RABL2B: variants seen among roughly 807,000 people sequenced by gnomAD.
The protein encoded by RABL2B is rab-like protein 2B.
A neutral mutation model predicts 26.7 loss-of-function variants in RABL2B; 17 were observed. That is an observed-to-expected ratio of 0.64 (90% CI 0.44 to 0.95). RABL2B has a LOEUF of 0.95. RABL2B is among the 40% of genes least tolerant of loss of function. The pLI, the probability that RABL2B is intolerant of heterozygous loss-of-function variation, is 0.00. For missense variants in RABL2B, 170 were observed against 277.2 expected, an observed-to-expected ratio of 0.61 and a Z score of 2.75; for synonymous variants, 70 against 103.9, an observed-to-expected ratio of 0.67 and a Z score of 1.99.
chr22:50,779,594 C>T (rs572745476), intron 2 of RABL2B, among the ~76,000 whole-genome samples: 28 of 151,966 alleles, frequency 1.8e-4, no homozygotes, highest in East Asian at 1.7e-3. Context: ...CAATCATTAA[C>T]GGGAATGGAA....
At position 50,780,462 on chromosome 22, in the gene RABL2B, G is replaced by A. The variant is rs532086713; in HGVS notation, c.107+1726C>T. On this transcript the variant is annotated intron_variant, in intron 2 of 8. Coordinates refer to ENST00000691320, the MANE Select transcript of RABL2B (RefSeq NM_001130919.3). ...TGTCACTAGGCTAGAGTGCAGTGGCGCAATCATAGCTCACCACAGCCTGGA... is the reference window on the plus strand; with the variant it reads ...TGTCACTAGGCTAGAGTGCAGTGGCACAATCATAGCTCACCACAGCCTGGA... Among the ~76,000 whole-genome samples, 41 of 148,214 alleles carry A rather than the reference G, an allele frequency of 2.8e-4. 1 individual carries two copies. Among genetic ancestry groups the A allele is most frequent in the Middle Eastern group, 6.9e-3 (2 of 290 alleles).
chr22:50,779,463 A>T (rs1396632166), intron 2 of RABL2B, among the ~76,000 whole-genome samples: 3 of 151,972 alleles, frequency 2.0e-5, no homozygotes, highest in Non-Finnish European at 4.4e-5. Flanking sequence ...CCAGGGAGTC[A>T]CATGGTGTGA....
At chr22:50,769,587 C>T in intron 6 of RABL2B, 35 bp from the exon 7 acceptor site, 1 of 1,613,608 alleles carries the variant, frequency 6.2e-7, no homozygotes, top group Non-Finnish European at 8.5e-7. Context: ...GTCTGTCTGT[C>T]AAGGGAAGGG....
At chr22:50,772,546 C>A (rs2084341550) in intron 5 of RABL2B, 1 of 992,892 alleles carries the variant, frequency 1.0e-6, no homozygotes, top group Non-Finnish European at 1.2e-6. Flanking sequence ...GCACAGCTGA[C>A]CTCACTTCTA....
rs2083824546 is a variant in RABL2B at position 50,769,560 on chromosome 22, G to C, written c.410-8C>G. The C allele has an allele frequency of 1.9e-6, 3 of 1,610,370 alleles. No individual in the cohort carries two copies. Among genetic ancestry groups the C allele is most frequent in the Non-Finnish European group, 2.5e-6 (3 of 1,179,638 alleles). On this transcript the variant is annotated splice_region_variant and splice_polypyrimidine_tract_variant and intron_variant, in intron 6 of 8. Transcript: ENST00000691320. ...GGGTCACGTTTATGTCTGCTGTAGA[G>C]AGAAGGTAGGACATTGGTCTGTCTG...
chr22:50,777,936 A>C lies in RABL2B; in HGVS notation c.137+16T>G. ...GACCCACAGGAACAAGGGGTACTTC[A>C]AACCTTGAAGGATACAAGCCATCCA... is the stretch of plus-strand genomic sequence containing the variant. On this transcript the variant is annotated intron_variant, in intron 3 of 8. Coordinates refer to ENST00000691320, the MANE Select transcript of RABL2B (RefSeq NM_001130919.3). The C allele has an allele frequency of 1.9e-6, 3 of 1,614,204 alleles. No homozygotes were observed. Among genetic ancestry groups the C allele is most frequent in the East Asian group, 4.5e-5 (2 of 44,886 alleles).
rs376849876 is a variant in RABL2B, at chr22:50,778,255, G to C, written c.108-274C>G. On this transcript the variant is annotated intron_variant, in intron 2 of 8. Coordinates refer to ENST00000691320, the MANE Select transcript of RABL2B (RefSeq NM_001130919.3). ...TCCACCAGAGCACAGTTCTGCCCAT[G>C]CAATTACCCTTGTGTTATGCAAAGG... 3.7e-3 allele frequency among the ~76,000 whole-genome samples: 549 copies of C among 149,280 alleles called. 7 individuals carry two copies. The highest frequency in any genetic ancestry group is 0.013 in the African/African-American group (534 of 39,804).
chr22:50,779,854 G>A (rs527595165), intron 2 of RABL2B, among the ~76,000 whole-genome samples: 3 of 152,200 alleles, frequency 2.0e-5, no homozygotes, highest in African/African-American at 7.2e-5. Context: ...GGTGGCGCAT[G>A]CCTGTAATCC....
Position 50,779,804 on chromosome 22 carries a change from C to G in RABL2B, c.108-1823G>C, listed in dbSNP as rs577407482. ...TTCCAGACCAACCTGGCCAACATGGCAAAACCTCTGCTAAAAATACAAAAA... is the reference window on the plus strand; with the variant it reads ...TTCCAGACCAACCTGGCCAACATGGGAAAACCTCTGCTAAAAATACAAAAA... On this transcript the variant is annotated intron_variant, in intron 2 of 8. Transcript: ENST00000691320. 2.3e-3 allele frequency among the ~76,000 whole-genome samples: 344 copies of G among 152,118 alleles called. 1 individual carries two copies. Among genetic ancestry groups the G allele is most frequent in the African/African-American group, 7.6e-3 (315 of 41,484 alleles).
chr22:50,775,572 C>T (rs1603450267), intron 5 of RABL2B, among the ~76,000 whole-genome samples, 200 bp downstream of exon 5: 2 of 151,794 alleles, frequency 1.3e-5, no homozygotes, highest in African/African-American at 2.4e-5. Context: ...TCCACCCATC[C>T]CCGCCTACAG....
chr22:50,770,359 T>G, intron 5 of RABL2B: 1 of 313,180 alleles, frequency 3.2e-6, no homozygotes, highest in Non-Finnish European at 6.2e-6. Flanking sequence ...CTACTAAAAA[T>G]GCAAAAAATT....
chr22:50,773,309 T>C (rs1434279001), intron 5 of RABL2B, among the ~76,000 whole-genome samples: 1 of 152,222 alleles, frequency 6.6e-6, no homozygotes, highest in Non-Finnish European at 1.5e-5. Flanking sequence ...TTTCAAGGGA[T>C]TTTGTTCTCA....
At position 50,768,536 on chromosome 22, in the gene RABL2B, A is replaced by G; in HGVS notation, c.*240T>C. The G allele has an allele frequency of 2.0e-6, 2 of 1,016,168 alleles. No individual in the cohort carries two copies. Among genetic ancestry groups the G allele is most frequent in the East Asian group, 2.8e-5 (1 of 36,246 alleles). 62.9% of individuals were successfully genotyped at this position (1,016,168 alleles called of 1,614,324 possible). A position where few individuals can be genotyped will look rare whatever the true frequency, so the allele number is the denominator to read the frequency against. On this transcript the variant is annotated 3_prime_UTR_variant, in exon 9 of 9. Transcript: ENST00000691320. ...GGAGGGGGTGGGGAAGGTGTTAATG[A>G]TGCTGATCCCTACTTCTGCTTCAAG...
rs1327175544 is a variant in RABL2B, at chr22:50,773,489, T to G, written c.297+2283A>C. Among the ~76,000 whole-genome samples, 133 of 152,086 alleles carry G rather than the reference T, an allele frequency of 8.7e-4. 1 individual carries two copies. Among genetic ancestry groups the G allele is most frequent in the African/African-American group, 3.0e-3 (126 of 41,384 alleles). On this transcript the variant is annotated intron_variant, in intron 5 of 8. Transcript: ENST00000691320. Reference sequence around the variant, plus strand: ...TTCCACCTGGGCACTCCCAGCATCCTGCACACGTGCATCACAGACAGTCCA... The same window carrying G: ...TTCCACCTGGGCACTCCCAGCATCCGGCACACGTGCATCACAGACAGTCCA...
intron 2 of RABL2B, chr22:50,780,501 TA>T (rs1189512632): frequency 2.8e-6 from 1 of 354,734 alleles, no homozygotes; most frequent in Non-Finnish European, 5.8e-6. Flanking sequence ...GTTAACCTCT[TA>T]ATGGGTGTTT....
rs181210693 is a variant in RABL2B, at chr22:50,777,837, C to T, written c.137+115G>A. On this transcript the variant is annotated intron_variant, in intron 3 of 8. Coordinates refer to ENST00000691320, the MANE Select transcript of RABL2B (RefSeq NM_001130919.3). ...GTGCGGAACAAAACCTGTGCGTTCACTTACCCAATCCTCCTTCCTGGGCTG... is the reference window on the plus strand; with the variant it reads ...GTGCGGAACAAAACCTGTGCGTTCATTTACCCAATCCTCCTTCCTGGGCTG... The T allele has an allele frequency of 5.0e-5, 78 of 1,549,050 alleles. No homozygotes were observed. The African/African-American group carries it at 1.0e-3, about 20-fold the overall frequency.
At chr22:50,781,077 A>G (rs1401808397) in intron 2 of RABL2B, among the ~76,000 whole-genome samples, 1 of 152,150 alleles carries the variant, frequency 6.6e-6, no homozygotes, top group Non-Finnish European at 1.5e-5. Flanking sequence ...GCGGTGGCTC[A>G]TGCCTATAAT....
chr22:50,777,347 ATAC>A (rs1202425988), intron 3 of RABL2B, among the ~76,000 whole-genome samples: 1 of 150,974 alleles, frequency 6.6e-6, no homozygotes, highest in Non-Finnish European at 1.5e-5. Flanking sequence ...GGAGTAACAC[ATAC>A]TCAGATCTTA....
chr22:50,770,279 G>A (rs2083944780), intron 5 of RABL2B: 1 of 479,220 alleles, frequency 2.1e-6, no homozygotes, highest in South Asian at 2.1e-5. Flanking sequence ...ACTTTGGGAG[G>A]TTGAGGTGGG....
Sources: allele counts gnomAD v4.1 joint callset (sites outside exome capture counted in the v4.1 genomes callset), GRCh38; gene constraint gnomAD v4.1.1; transcripts MANE v1.5; gene names NCBI Gene and HGNC (gene_info 2026-07-23, HGNC 2026-07-21).